Variants in CTNNA2 observed in about 807,000 individuals in gnomAD.
CTNNA2 encodes the protein catenin alpha-2.
In CTNNA2, 42 loss-of-function variants were observed where a neutral mutation model predicts 101.0. The ratio of observed to expected loss-of-function variants is 0.42; its 90% CI spans 0.32 to 0.54. The LOEUF (loss-of-function observed/expected upper bound fraction) is 0.54, where lower values mean the gene tolerates loss of function less well. Among genes scored for constraint, CTNNA2 ranks in the 20% least tolerant of loss-of-function variants. The probability of loss-of-function intolerance (pLI) is 0.14; values close to 1 mark genes in which losing one functional copy is unlikely to be tolerated. For synonymous variants in CTNNA2, 450 were observed against 456.4 expected (o/e 0.99, Z 0.18); for missense variants, 871 against 1,223.1 (o/e 0.71, Z 4.29).
intron 7 of CTNNA2, among the ~76,000 whole-genome samples, chr2:80,265,420 A>G (rs979779095): frequency 2.6e-5 from 4 of 152,160 alleles, no homozygotes; most frequent in African/African-American, 9.7e-5. Flanking sequence ...AGGAATTTCA[A>G]ATGTCAGAAC....
At chr2:79,242,621 A>C (rs1457361829) in intron 2 of CTNNA2, among the ~76,000 whole-genome samples, 1 of 152,102 alleles carries the variant, frequency 6.6e-6, no homozygotes, top group African/African-American at 2.4e-5. Flanking sequence ...CCTATATTCA[A>C]ATTTCCTCCA....
At chr2:79,303,044 A>G (rs948472599) in intron 2 of CTNNA2, among the ~76,000 whole-genome samples, 3 of 152,188 alleles carry the variant, frequency 2.0e-5, no homozygotes, top group Non-Finnish European at 2.9e-5. Context: ...CCAGTCTTCT[A>G]CATAGGATGC....
At chr2:80,492,420 C>T (rs904403069) in intron 9 of CTNNA2, among the ~76,000 whole-genome samples, 4 of 152,200 alleles carry the variant, frequency 2.6e-5, no homozygotes, top group African/African-American at 7.2e-5. Context: ...TGGACTCATA[C>T]AGATGGGACA....
At chr2:79,393,836 C>T (rs538309956) in intron 4 of CTNNA2, among the ~76,000 whole-genome samples, 35 of 152,218 alleles carry the variant, frequency 2.3e-4, no homozygotes, top group Admixed American at 8.5e-4. Context: ...TGGCTCCCTG[C>T]AGGATCGGCT....
intron 4 of CTNNA2, among the ~76,000 whole-genome samples, chr2:79,459,839 T>G (rs1025540849): frequency 2.0e-5 from 3 of 152,220 alleles, no homozygotes; most frequent in Non-Finnish European, 4.4e-5. Context: ...GCAAATAATT[T>G]TTTTTCTGTT....
intron 4 of CTNNA2, among the ~76,000 whole-genome samples, chr2:79,460,454 C>T (rs1670866591): frequency 6.6e-6 from 1 of 152,156 alleles, no homozygotes; most frequent in Non-Finnish European, 1.5e-5. Context: ...TTATATATTT[C>T]TCCTACAATC....
At position 79,565,576 on chromosome 2, in the gene CTNNA2, A is replaced by T. The variant is rs187053896; in HGVS notation, c.-6+52369A>T. Among the ~76,000 whole-genome samples the T allele has an allele frequency of 1.5e-3, 235 of 152,304 alleles. 1 individual carries two copies. Among genetic ancestry groups the T allele is most frequent in the Middle Eastern group, 0.01 (3 of 294 alleles). On this transcript the variant is annotated intron_variant, in intron 1 of 18. Coordinates refer to ENST00000402739, the MANE Select transcript of CTNNA2 (RefSeq NM_001282597.3). ...TGGTAGGCTGGAAACTCGCAGAAGT[A>T]TTTAAGCAATTATTCAGGAGGTAGA...
intron 4 of CTNNA2, among the ~76,000 whole-genome samples, chr2:79,491,864 A>G (rs1465405811): frequency 6.6e-6 from 1 of 152,174 alleles, no homozygotes; most frequent in Non-Finnish European, 1.5e-5. Flanking sequence ...ATCTGATTCA[A>G]GTACCTCTAT....
chr2:79,936,735 G>A (rs1044599854), intron 7 of CTNNA2, among the ~76,000 whole-genome samples: 1 of 151,994 alleles, frequency 6.6e-6, no homozygotes, highest in Non-Finnish European at 1.5e-5. Flanking sequence ...AGGGGTAGAG[G>A]TCTAAAATTT....
chr2:80,095,919 G>T (rs554361496), intron 7 of CTNNA2, among the ~76,000 whole-genome samples: 2 of 152,110 alleles, frequency 1.3e-5, no homozygotes, highest in South Asian at 4.2e-4. Context: ...TCTTGCTAGC[G>T]ATCTATTAAT....
intron 2 of CTNNA2, among the ~76,000 whole-genome samples, chr2:79,228,997 A>G (rs1674456424): frequency 1.3e-5 from 2 of 152,130 alleles, no homozygotes; most frequent in Admixed American, 6.5e-5. Flanking sequence ...TCTTAGCACC[A>G]TTTATGGAAT....
intron 9 of CTNNA2, among the ~76,000 whole-genome samples, chr2:80,503,335 A>G (rs937733143): frequency 1.3e-5 from 2 of 152,222 alleles, no homozygotes; most frequent in Non-Finnish European, 2.9e-5. Flanking sequence ...AAGCTTACAT[A>G]GCTTAGATGT....
At chr2:79,884,953 C>T (rs561638906) in intron 6 of CTNNA2, among the ~76,000 whole-genome samples, 16 of 152,128 alleles carry the variant, frequency 1.1e-4, no homozygotes, top group Middle Eastern at 3.4e-3. Flanking sequence ...TGGGGGAGCA[C>T]GGGCCATGCT....
chr2:79,348,350 G>A (rs1031545843), intron 3 of CTNNA2, among the ~76,000 whole-genome samples: 2 of 152,196 alleles, frequency 1.3e-5, no homozygotes, highest in African/African-American at 2.4e-5. Context: ...GGAAGTGACA[G>A]TTGTTTTGGG....
At chr2:80,425,932 T>TTTGTTG (rs368913766) in intron 9 of CTNNA2, among the ~76,000 whole-genome samples, 1 of 152,016 alleles carries the variant, frequency 6.6e-6, no homozygotes, top group Non-Finnish European at 1.5e-5. Context: ...TTGAGAAGCT[T>TTTGTTG]TTGTTGTTGT....
At chr2:79,501,037 G>T (rs917223912) in intron 4 of CTNNA2, among the ~76,000 whole-genome samples, 1 of 152,100 alleles carries the variant, frequency 6.6e-6, no homozygotes, top group Non-Finnish European at 1.5e-5. Flanking sequence ...ATGTAACAAG[G>T]CTCCTGAATT....
intron 1 of CTNNA2, among the ~76,000 whole-genome samples, chr2:79,541,540 T>C (rs1673422010): frequency 6.6e-6 from 1 of 151,634 alleles, no homozygotes; most frequent in Admixed American, 6.6e-5. Flanking sequence ...CCCAAATTCT[T>C]ATGGCTTAGG....
intron 4 of CTNNA2, among the ~76,000 whole-genome samples, chr2:79,403,361 A>C (rs1385753157): frequency 6.6e-6 from 1 of 151,984 alleles, no homozygotes; most frequent in African/African-American, 2.4e-5. Context: ...TGTTCAATAC[A>C]TAGTCACTGG....
chr2:80,431,914 T>C (rs914291937), intron 9 of CTNNA2, among the ~76,000 whole-genome samples: 5 of 152,282 alleles, frequency 3.3e-5, no homozygotes, highest in African/African-American at 1.2e-4. Context: ...TTTTTTCTTT[T>C]TCTTTTTCTG....
Sources: allele counts gnomAD v4.1 joint callset (sites outside exome capture counted in the v4.1 genomes callset), GRCh38; gene constraint gnomAD v4.1.1; transcripts MANE v1.5; gene names NCBI Gene and HGNC (gene_info 2026-07-23, HGNC 2026-07-21).